Variants in DENND1A observed in about 807,000 individuals in gnomAD.
The protein encoded by DENND1A is DENN domain-containing protein 1A.
DENND1A carries 51 observed loss-of-function variants against 113.7 expected under a neutral mutation model. That is an observed-to-expected ratio of 0.45 (90% confidence interval 0.36 to 0.57). The LOEUF (loss-of-function observed/expected upper bound fraction) is 0.57, where lower values mean the gene tolerates loss of function less well. DENND1A is among the 20% of genes least tolerant of loss of function. The probability of loss-of-function intolerance (pLI) is 0.00; values close to 1 mark genes in which losing one functional copy is unlikely to be tolerated. For missense variants in DENND1A, 1,258 were observed against 1,395.9 expected (o/e 0.90, Z 1.57); for synonymous variants, 565 against 570.8 (o/e 0.99, Z 0.14).
intron 2 of DENND1A, among the ~76,000 whole-genome samples, chr9:123,869,120 CT>C (rs1201406320): frequency 6.6e-6 from 1 of 152,144 alleles, no homozygotes; most frequent in African/African-American, 2.4e-5. Flanking sequence ...TGTGTGATAG[CT>C]TTCATAAATT....
chr9:123,711,539 A>ATGT (rs1589767888), intron 5 of DENND1A, among the ~76,000 whole-genome samples: 1 of 134,614 alleles, frequency 7.4e-6, no homozygotes, highest in Non-Finnish European at 1.6e-5. Flanking sequence ...ATATATATAT[A>ATGT]AATTCAACAA....
At chr9:123,804,693 C>T (rs78685945) in intron 2 of DENND1A, among the ~76,000 whole-genome samples, 7,325 of 152,288 alleles carry the variant, frequency 0.048, 241 homozygotes, top group South Asian at 0.068. Context: ...CTTTCTCTCA[C>T]ATCCCAGAGC....
intron 1 of DENND1A, among the ~76,000 whole-genome samples, chr9:123,919,883 GA>G (rs56784407): frequency 3.2e-3 from 175 of 55,398 alleles, no homozygotes; most frequent in African/African-American, 4.4e-3. Flanking sequence ...CTCTGTCTCA[GA>G]AAAAAAAAAA....
At chr9:123,888,726 G>T (rs1026759966) in intron 1 of DENND1A, among the ~76,000 whole-genome samples, 3 of 152,182 alleles carry the variant, frequency 2.0e-5, no homozygotes, top group African/African-American at 7.2e-5. Context: ...GGAAACTAAA[G>T]AGAAATGACA....
intron 19 of DENND1A, chr9:123,439,965 T>C (rs989333864): frequency 6.5e-6 from 1 of 153,208 alleles, no homozygotes; most frequent in African/African-American, 2.4e-5. Flanking sequence ...AAAGAACTCC[T>C]AATTGATTTT....
chr9:123,769,359 A>G (rs374949869), intron 4 of DENND1A, among the ~76,000 whole-genome samples, 155 bp downstream of exon 4: 36 of 152,314 alleles, frequency 2.4e-4, no homozygotes, highest in African/African-American at 7.9e-4. Context: ...GTCAATAAAA[A>G]CCCCAGGAAG....
At chr9:123,802,083 C>T (rs1039526781) in intron 2 of DENND1A, among the ~76,000 whole-genome samples, 2 of 152,196 alleles carry the variant, frequency 1.3e-5, no homozygotes, top group African/African-American at 4.8e-5. Flanking sequence ...GGCACACTCA[C>T]GTCTATGGCT....
chr9:123,500,568 C>A (rs1295796939), intron 13 of DENND1A, among the ~76,000 whole-genome samples: 1 of 152,208 alleles, frequency 6.6e-6, no homozygotes, highest in South Asian at 2.1e-4. Flanking sequence ...CCTGCTCTCT[C>A]AAATGGAGTT....
chr9:123,382,214 G>A lies in DENND1A; in HGVS notation c.2431C>T (p.Pro811Ser). The A allele has an allele frequency of 6.2e-7, 1 of 1,609,714 alleles. No homozygotes were observed. The highest frequency in any genetic ancestry group is 1.7e-5 in the Admixed American group (1 of 59,882). Residue 811 changes from proline to serine, a missense_variant, in exon 24 of 24, where the codon CCA becomes TCA. Transcript: ENST00000394215. ...GGGACAACACCAGGCAGGAGCCCTGGACTCAGGGCAGCTCGCCTGTCCCGA... is the reference window on the plus strand; with the variant it reads ...GGGACAACACCAGGCAGGAGCCCTGAACTCAGGGCAGCTCGCCTGTCCCGA... ...TDRDRRAALS[P>S]GLLPGVVPQG...
rs959252922 is a variant in DENND1A, at chr9:123,385,743, T to C, written c.1761-1830A>G. 1.2e-4 allele frequency among the ~76,000 whole-genome samples: 19 copies of C among 152,174 alleles called. 1 individual carries two copies. Among genetic ancestry groups the C allele is most frequent in the Admixed American group, 3.9e-4 (6 of 15,276 alleles). ...ATGGATGAGGAATGAAGCTCAGAGA[T>C]GTTAAATAACTCACCTATGTCACAC... On this transcript the variant is annotated intron_variant, in intron 22 of 23. Transcript: ENST00000394215.
chr9:123,445,123 A>G (rs1355378470), intron 18 of DENND1A, among the ~76,000 whole-genome samples: 1 of 152,210 alleles, frequency 6.6e-6, no homozygotes, highest in Non-Finnish European at 1.5e-5. Flanking sequence ...GCCCTCTGAG[A>G]AGAAGGCAGG....
At chr9:123,580,127 T>C (rs1466574118) in intron 12 of DENND1A, among the ~76,000 whole-genome samples, 5 of 152,260 alleles carry the variant, frequency 3.3e-5, no homozygotes, top group African/African-American at 9.6e-5. Context: ...AAGCATTTGA[T>C]AATCATTACC....
At chr9:123,695,980 T>TAAAAA (rs2065489916) in intron 5 of DENND1A, among the ~76,000 whole-genome samples, 2 of 99,854 alleles carry the variant, frequency 2.0e-5, no homozygotes, top group African/African-American at 1.0e-4. Flanking sequence ...TTTCTGTTAA[T>TAAAAA]ACAAAAAAAA....
intron 5 of DENND1A, among the ~76,000 whole-genome samples, chr9:123,711,517 A>ATATG (rs2066620341): frequency 3.5e-5 from 3 of 85,306 alleles, no homozygotes; most frequent in African/African-American, 1.9e-4. Flanking sequence ...ATATATGTAT[A>ATATG]TATATATATA....
chr9:123,833,450 G>T lies in DENND1A; in HGVS notation c.89-40820C>A, dbSNP rs564892368. On this transcript the variant is annotated intron_variant, in intron 2 of 23. Coordinates refer to ENST00000394215, the MANE Select transcript of DENND1A (RefSeq NM_001352964.2). Reference sequence around the variant, plus strand: ...ATTTTTTTCTCCACAAATTCCTTAGGGGGGAGAAATGTGAAATTTCCTATA... The same window carrying T: ...ATTTTTTTCTCCACAAATTCCTTAGTGGGGAGAAATGTGAAATTTCCTATA... Among the ~76,000 whole-genome samples, 15 of 152,186 alleles carry T rather than the reference G, an allele frequency of 9.9e-5. No individual in the cohort carries two copies. In the South Asian group the frequency reaches 2.1e-3, roughly 21 times the overall value.
intron 13 of DENND1A, among the ~76,000 whole-genome samples, chr9:123,523,235 T>A (rs569144980): frequency 6.6e-6 from 1 of 152,256 alleles, no homozygotes; most frequent in South Asian, 2.1e-4. Flanking sequence ...CCCCCTTACG[T>A]GTGACAGCAA....
At chr9:123,872,962 T>G (rs2133450312) in intron 2 of DENND1A, among the ~76,000 whole-genome samples, 1 of 152,320 alleles carries the variant, frequency 6.6e-6, no homozygotes, top group South Asian at 2.1e-4. Context: ...GGGAAGATTA[T>G]GCCCAGACAC....
At chr9:123,818,507 T>C (rs918335096) in intron 2 of DENND1A, among the ~76,000 whole-genome samples, 3 of 109,306 alleles carry the variant, frequency 2.7e-5, no homozygotes, top group South Asian at 3.4e-4. Flanking sequence ...TTGGCATATA[T>C]ATACATACAT....
At chr9:123,476,095 G>C (rs901983258) in intron 13 of DENND1A, among the ~76,000 whole-genome samples, 2 of 151,992 alleles carry the variant, frequency 1.3e-5, no homozygotes, top group African/African-American at 4.8e-5. Context: ...TGAGGCAGAA[G>C]AATGCTTGAA....
Sources: gnomAD v4.1 joint callset for allele counts (sites outside exome capture counted in the v4.1 genomes callset) on GRCh38, gnomAD v4.1.1 for gene constraint, MANE v1.5 for transcripts, NCBI Gene and HGNC (gene_info 2026-07-23, HGNC 2026-07-21) for gene names.